Variants in LMNA observed in about 807,000 individuals in gnomAD.
LMNA encodes the protein lamin.
Under a neutral mutation model 70.4 loss-of-function variants are expected in LMNA, and 20 were observed. The ratio of observed to expected loss-of-function variants is 0.28; its 90% CI spans 0.20 to 0.41. LMNA has a LOEUF of 0.41. Ranked by LOEUF, LMNA falls within the 10% of genes least tolerant of loss-of-function variation. LMNA has a pLI of 1.00. For synonymous variants in LMNA, 339 were observed against 372.8 expected, an observed-to-expected ratio of 0.91 and a Z score of 1.04; for missense variants, 652 against 917.2, an observed-to-expected ratio of 0.71 and a Z score of 3.73.
At chr1:156,122,155 C>CCG (rs1366783781) in intron 1 of LMNA, among the ~76,000 whole-genome samples, 1 of 152,116 alleles carries the variant, frequency 6.6e-6, no homozygotes, top group Non-Finnish European at 1.5e-5. Context: ...AGGTAGTCCA[C>CCG]CAACAAAATG....
intron 1 of LMNA, among the ~76,000 whole-genome samples, chr1:156,127,347 A>G (rs1174462907): frequency 6.6e-6 from 1 of 152,030 alleles, no homozygotes; most frequent in African/African-American, 2.4e-5. Flanking sequence ...TTCCCCGCAG[A>G]TGGGAGCTCC....
intron 3 of LMNA, among the ~76,000 whole-genome samples, chr1:156,105,347 C>A (rs896631030): frequency 6.6e-6 from 1 of 152,134 alleles, no homozygotes. Flanking sequence ...AATGATGAAA[C>A]GCTGGCCCAA....
At chr1:156,105,199 C>T (rs947625627) in intron 3 of LMNA, among the ~76,000 whole-genome samples, 4 of 152,174 alleles carry the variant, frequency 2.6e-5, no homozygotes, top group African/African-American at 7.2e-5. Context: ...TCCTCTGGGG[C>T]GGGCCTGTGG....
intron 3 of LMNA, among the ~76,000 whole-genome samples, chr1:156,097,113 GTCA>G (rs1404586952): frequency 1.3e-5 from 2 of 152,330 alleles, no homozygotes; most frequent in African/African-American, 4.8e-5. Context: ...CAGTCAGTGA[GTCA>G]AAAGCTGAGA....
chr1:156,122,361 G>A (rs1650249335), intron 1 of LMNA, among the ~76,000 whole-genome samples: 1 of 152,172 alleles, frequency 6.6e-6, no homozygotes, highest in South Asian at 2.1e-4. Flanking sequence ...GACCCACAAA[G>A]TGAGAAAACA....
At chr1:156,126,711 C>A in intron 1 of LMNA, 1 of 1,553,514 alleles carries the variant, frequency 6.4e-7, no homozygotes, top group East Asian at 2.4e-5. Context: ...TCCCCACCCC[C>A]TCTCTTCCCT....
chr1:156,101,135 A>G (rs1000507847), intron 3 of LMNA, among the ~76,000 whole-genome samples: 11 of 152,202 alleles, frequency 7.2e-5, no homozygotes, highest in African/African-American at 7.2e-5. Context: ...CCTAAATACA[A>G]TGTGGAGCCA....
At position 156,094,965 on chromosome 1, in the gene LMNA, C is replaced by T. The variant is rs555038272; in HGVS notation, c.-207+4383C>T. ...TTTTGAGAACGGAGTCTTGCTCTGT[C>T]GCCCAGGCTGGAGTACAGTGGCGTG... On this transcript the variant is annotated intron_variant, in intron 3 of 12. Coordinates refer to the LMNA transcript ENST00000368301. Among the ~76,000 whole-genome samples, 9 of 150,024 alleles carry T rather than the reference C, an allele frequency of 6.0e-5. No individual in the cohort carries two copies. The East Asian group carries it at 1.4e-3, about 23-fold the overall frequency.
intron 2 of LMNA, among the ~76,000 whole-genome samples, chr1:156,133,847 C>T (rs542263662): frequency 5.9e-4 from 90 of 152,256 alleles, no homozygotes; most frequent in African/African-American, 2.0e-3. Context: ...CTGTAGGCCC[C>T]GCTAGCCTGT....
chr1:156,092,446 A>C (rs984204399), intron 3 of LMNA, among the ~76,000 whole-genome samples: 5 of 151,782 alleles, frequency 3.3e-5, no homozygotes, highest in African/African-American at 1.2e-4. Context: ...TGGGAGGCCG[A>C]GGCAGGTGGA....
intron 3 of LMNA, among the ~76,000 whole-genome samples, chr1:156,099,867 CAAAAA>C (rs57524097): frequency 6.0e-5 from 6 of 100,242 alleles, no homozygotes; most frequent in African/African-American, 6.6e-5. Flanking sequence ...GCCTGGGTGA[CAAAAA>C]AAAAAAAAAA....
intron 1 of LMNA, 82 bp from the exon 2 acceptor site, chr1:156,130,535 C>T: frequency 2.1e-6 from 3 of 1,453,972 alleles, no homozygotes; most frequent in Non-Finnish European, 2.9e-6. Flanking sequence ...CGCCAGCCCC[C>T]ATGGCTGACC....
intron 3 of LMNA, among the ~76,000 whole-genome samples, chr1:156,102,063 T>G (rs1649162904): frequency 6.6e-6 from 1 of 152,226 alleles, no homozygotes; most frequent in Non-Finnish European, 1.5e-5. Flanking sequence ...CTTGGCCCAG[T>G]GCCAGGCCCT....
upstream of LMNA, among the ~76,000 whole-genome samples, chr1:156,113,832 A>G (rs1426753532): frequency 6.6e-6 from 1 of 152,150 alleles, no homozygotes; most frequent in Non-Finnish European, 1.5e-5. Context: ...TTCTGGGGGA[A>G]AAAAATAAGT....
intron 2 of LMNA, among the ~76,000 whole-genome samples, chr1:156,084,047 T>C (rs1244956555): frequency 6.6e-6 from 1 of 152,196 alleles, no homozygotes; most frequent in East Asian, 1.9e-4. Context: ...AGGTCAGACT[T>C]GAAGAAGAAC....
intron 3 of LMNA, among the ~76,000 whole-genome samples, chr1:156,108,351 TCTGTACATCACCTCCAC>T (rs1649423928): frequency 6.6e-6 from 1 of 152,148 alleles, no homozygotes; most frequent in South Asian, 2.1e-4. Context: ...TGTCCCAGAA[TCTGTACATCACCTCCAC>T]CTCCTCAGAC....
At chr1:156,095,350 T>C (rs1648895830) in intron 3 of LMNA, among the ~76,000 whole-genome samples, 1 of 152,138 alleles carries the variant, frequency 6.6e-6, no homozygotes, top group Non-Finnish European at 1.5e-5. Flanking sequence ...AAAAATTTAT[T>C]GAGTAAATGA....
chr1:156,111,915 G>A (rs1368324465), upstream of LMNA, among the ~76,000 whole-genome samples: 1 of 152,232 alleles, frequency 6.6e-6, no homozygotes, highest in Non-Finnish European at 1.5e-5. Flanking sequence ...CTTCTGGGTT[G>A]GTGATTTTTG....
rs961381843 is a variant in LMNA at position 156,139,173 on chromosome 1, C to G, written c.*67C>G. On this transcript the variant is annotated 3_prime_UTR_variant, in exon 12 of 12. Coordinates refer to ENST00000368300, the MANE Select transcript of LMNA (RefSeq NM_170707.4). ...CGTCCTCCTCACCTCATGCCCACCC[C>G]CTGCCCTGCACGTCATGGGAGGGGG... The G allele has an allele frequency of 3.1e-6, 5 of 1,611,782 alleles. No individual in the cohort carries two copies. In the African/African-American group the frequency reaches 6.7e-5, roughly 22 times the overall value.
Sources: gnomAD v4.1 joint callset for allele counts (sites outside exome capture counted in the v4.1 genomes callset) on GRCh38, gnomAD v4.1.1 for gene constraint, MANE v1.5 for transcripts, NCBI Gene and HGNC (gene_info 2026-07-23, HGNC 2026-07-21) for gene names.